Variants in SMG8 observed in about 807,000 individuals in gnomAD.
SMG8 encodes the protein nonsense-mediated mRNA decay factor SMG8.
In SMG8, 49 loss-of-function variants were observed where a neutral mutation model predicts 82.1. The ratio of observed to expected loss-of-function variants is 0.60; its 90% CI spans 0.47 to 0.76. The LOEUF is 0.76. Among genes scored for constraint, SMG8 ranks in the 30% least tolerant of loss-of-function variants. SMG8 has a pLI of 0.00. For missense variants in SMG8, 969 were observed against 1,166.4 expected (o/e 0.83, Z 2.46); for synonymous variants, 404 against 430.0 (o/e 0.94, Z 0.75).
At position 59,213,089 on chromosome 17, in the gene SMG8, C is replaced by T. The variant is rs770627741; in HGVS notation, c.2266C>T (p.Pro756Ser). 1.3e-5 allele frequency: 21 copies of T among 1,614,044 alleles called. No homozygotes were observed. The Admixed American group carries it at 3.2e-4, about 24-fold the overall frequency. Residue 756 changes from proline (P) to serine (S), a missense_variant, in exon 3 of 4, where the codon CCT becomes TCT. By Grantham distance (74) the Pro-to-Ser change is moderately conservative. Coordinates refer to ENST00000300917, the MANE Select transcript of SMG8 (RefSeq NM_018149.7). ...CCCAGGCATGCTACATTCAAATTGCCCTAAAGGTCTCCTACCCAAATTCTC... is the reference window on the plus strand; with the variant it reads ...CCCAGGCATGCTACATTCAAATTGCTCTAAAGGTCTCCTACCCAAATTCTC... ...YLPGMLHSNC[P>S]KGLLPKFSSW...
Position 59,212,457 on chromosome 17 carries a change from A to T in SMG8, c.1876A>T (p.Ile626Phe). 6.2e-7 allele frequency: 1 copy of T among 1,608,264 alleles called. No individual in the cohort carries two copies. Among genetic ancestry groups the T allele is most frequent in the African/African-American group, 1.3e-5 (1 of 74,982 alleles). Reference sequence around the variant, plus strand: ...AGCACCTCGAGATGATCCCTTTGATATCAAAGCAGCCAATTATGACTTCTA... The same window carrying T: ...AGCACCTCGAGATGATCCCTTTGATTTCAAAGCAGCCAATTATGACTTCTA... ...KQAPRDDPFD[I>F]KAANYDFYQL... The change falls in exon 2 of 4, where the codon ATC (isoleucine) becomes TTC (phenylalanine). Residue 626 changes from isoleucine (I) to phenylalanine (F), a missense_variant. By Grantham distance (21) the Ile-to-Phe change is conservative. This residue lies in a region of SMG8 where 662 missense variants were observed against 884.8 expected (regional missense o/e 0.75). Coordinates refer to ENST00000300917, the MANE Select transcript of SMG8 (RefSeq NM_018149.7).
intron 1 of SMG8, 56 bp from the exon 2 acceptor site, chr17:59,212,285 A>G (rs2046948995): frequency 1.4e-6 from 2 of 1,470,464 alleles, no homozygotes; most frequent in Non-Finnish European, 1.8e-6. Context: ...TGTAGAATGC[A>G]AAGTAAATTC....
chr17:59,214,292 C>CA (rs1162297156), intron 3 of SMG8, among the ~76,000 whole-genome samples: 17 of 144,056 alleles, frequency 1.2e-4, no homozygotes, highest in South Asian at 2.2e-4. Context: ...ATTCCCCCTG[C>CA]AAAAAAAAAA....
intron 2 of SMG8, 30 bp downstream of exon 2, chr17:59,212,516 T>C (rs1265574927): frequency 6.3e-7 from 1 of 1,582,268 alleles, no homozygotes; most frequent in Non-Finnish European, 8.6e-7. Flanking sequence ...TTCTTCCTCT[T>C]CTGTCTTTTT....
At position 59,211,702 on chromosome 17, in the gene SMG8, T is replaced by C. The variant is rs1597951421; in HGVS notation, c.1651T>C (p.Leu551=). The change falls in exon 1 of 4, where the codon TTA becomes CTA. Residue 551 remains leucine (L), a synonymous_variant. Transcript: ENST00000300917. ...AGCATTTCACAAATACGCCATGCAG[T>C]TACATGAGGACTGCTACAAATTTTG... ...GPAFHKYAMQ[L]HEDCYKFWSN... is the part of the protein sequence containing the mutation. The C allele has an allele frequency of 1.2e-6, 2 of 1,614,064 alleles. No homozygotes were observed. Among genetic ancestry groups the C allele is most frequent in the East Asian group, 4.5e-5 (2 of 44,884 alleles).
Position 59,210,348 on chromosome 17 carries a change from GGGTGAGGCC to G in SMG8, c.302_310del (p.Glu101_Gly103del), listed in dbSNP as rs1412240848. 1 of 1,611,916 alleles carries G rather than the reference GGGTGAGGCC, an allele frequency of 6.2e-7. No homozygotes were observed. Among genetic ancestry groups the G allele is most frequent in the Non-Finnish European group, 8.5e-7 (1 of 1,179,304 alleles). ...GAATCAGAACTGAGGCTGGCGCCGTGGGTGAGGCCGGTGGAGCCGAGGACCCTGGGGCTG... is the reference window on the plus strand; with the variant it reads ...GAATCAGAACTGAGGCTGGCGCCGTGGGTGGAGCCGAGGACCCTGGGGCTG... On this transcript the variant is annotated inframe_deletion, in exon 1 of 4. Transcript: ENST00000300917.
At position 59,211,143 on chromosome 17, in the gene SMG8, G is replaced by A. The variant is rs772378565; in HGVS notation, c.1092G>A (p.Pro364=). 9 of 1,614,134 alleles carry A rather than the reference G, an allele frequency of 5.6e-6. No individual in the cohort carries two copies. Among genetic ancestry groups the A allele is most frequent in the Admixed American group, 1.7e-5 (1 of 60,014 alleles). The change falls in exon 1 of 4, where the codon CCG becomes CCA. Residue 364 remains proline, a synonymous_variant. Coordinates refer to ENST00000300917, the MANE Select transcript of SMG8 (RefSeq NM_018149.7). ...QLRSHCTVKD[P]ESLLVPAPLS... is the part of the protein sequence containing the mutation. ...GGAGTCATTGTACTGTGAAGGACCC[G>A]GAATCTTTGCTGGTGCCTGCACCCC...
intron 1 of SMG8, 77 bp downstream of exon 1, chr17:59,211,887 C>G: frequency 7.8e-7 from 1 of 1,282,168 alleles, no homozygotes; most frequent in Non-Finnish European, 1.0e-6. Flanking sequence ...ATAGTCTGTT[C>G]ACTATGTATT....
intron 3 of SMG8, among the ~76,000 whole-genome samples, chr17:59,214,108 C>G (rs2046956941): frequency 6.6e-6 from 1 of 152,030 alleles, no homozygotes; most frequent in Non-Finnish European, 1.5e-5. Flanking sequence ...CATGGCGAAA[C>G]CCCGTCTCTA....
intron 3 of SMG8, 70 bp from the exon 4 acceptor site, chr17:59,214,735 T>G (rs1343249529): frequency 2.4e-6 from 2 of 829,588 alleles, no homozygotes; most frequent in Non-Finnish European, 4.2e-6. Flanking sequence ...TATCGTCTGT[T>G]TAGGCATTTA....
chr17:59,213,091 T>C lies in SMG8; in HGVS notation c.2268T>C (p.Pro756=). 1 of 1,614,210 alleles carries C rather than the reference T, an allele frequency of 6.2e-7. No individual in the cohort carries two copies. The highest frequency in any genetic ancestry group is 8.5e-7 in the Non-Finnish European group (1 of 1,180,040). ...CAGGCATGCTACATTCAAATTGCCC[T>C]AAAGGTCTCCTACCCAAATTCTCCA... The part of the protein sequence containing the change: ...YLPGMLHSNC[P]KGLLPKFSSW... The change falls in exon 3 of 4, where the codon CCT becomes CCC. Residue 756 remains proline (P), a synonymous_variant. Coordinates refer to ENST00000300917, the MANE Select transcript of SMG8 (RefSeq NM_018149.7).
rs750547396 is a variant in SMG8, at chr17:59,212,403, A to C, written c.1822A>C (p.Thr608Pro). 6.2e-7 allele frequency: 1 copy of C among 1,609,648 alleles called. No individual in the cohort carries two copies. The highest frequency in any genetic ancestry group is 8.5e-7 in the Non-Finnish European group (1 of 1,176,520). ...ATATCACAATAGCCGAGCTCGATCT[A>C]CTGGTGCTTGCAACTGTGGAAGGAA... ...VLYHNSRARS[T>P]GACNCGRKQA... Residue 608 changes from threonine to proline, a missense_variant, in exon 2 of 4, where the codon ACT becomes CCT. By Grantham distance (38) the Thr-to-Pro change is conservative (BLOSUM62 -1). This residue lies in a region of SMG8 where 662 missense variants were observed against 884.8 expected (regional missense o/e 0.75). Coordinates refer to ENST00000300917, the MANE Select transcript of SMG8 (RefSeq NM_018149.7).
At chr17:59,214,373 G>A (rs2046958400) in intron 3 of SMG8, among the ~76,000 whole-genome samples, 1 of 152,036 alleles carries the variant, frequency 6.6e-6, no homozygotes, top group Admixed American at 6.6e-5. Context: ...AGTTAGGAGT[G>A]TACCCATATC....
chr17:59,212,208 A>T, intron 1 of SMG8, 133 bp from the exon 2 acceptor site: 1 of 652,920 alleles, frequency 1.5e-6, no homozygotes, highest in South Asian at 3.8e-5. Flanking sequence ...AAAGTATTTT[A>T]TATACTTTCA....
chr17:59,212,854 TAAACTTAAAG>T lies in SMG8; in HGVS notation c.2035_2044del (p.Leu679LysfsTer12), dbSNP rs748011320. ...CTGCTCCTCCAGATTCGGATGCTGATAAACTTAAAGAAAAAGAACCTCAAACCCAAGGAGA... is the reference window on the plus strand; with the variant it reads ...CTGCTCCTCCAGATTCGGATGCTGATAAAAAGAACCTCAAACCCAAGGAGA... On this transcript the variant is annotated frameshift_variant, in exon 3 of 4. Transcript: ENST00000300917. LOFTEE classifies it high-confidence loss of function. 6.2e-7 allele frequency: 1 copy of T among 1,614,092 alleles called. No homozygotes were observed. The highest frequency in any genetic ancestry group is 8.5e-7 in the Non-Finnish European group (1 of 1,180,012).
At chr17:59,213,649 T>A in intron 3 of SMG8, 48 bp downstream of exon 3, 1 of 1,531,762 alleles carries the variant, frequency 6.5e-7, no homozygotes, top group South Asian at 1.3e-5. Flanking sequence ...AAAATGCTGA[T>A]GTTTGTTTTG....
intron 1 of SMG8, 71 bp from the exon 2 acceptor site, chr17:59,212,270 G>C (rs2046948939): frequency 1.5e-6 from 2 of 1,339,578 alleles, no homozygotes; most frequent in African/African-American, 1.4e-5. Context: ...TGTGGGGTTA[G>C]ATGTTGTAGA....
Position 59,213,053 on chromosome 17 carries a change from G to A in SMG8, c.2230G>A (p.Val744Ile). The part of the protein sequence containing the change: ...PNFVDRQAST[V>I]EYLPGMLHSN... ...CTTCGTTGATCGACAGGCATCCACA[G>A]TTGAGTATCTCCCAGGCATGCTACA... The change falls in exon 3 of 4, where the codon GTT becomes ATT. Residue 744 changes from valine to isoleucine, a missense_variant. Coordinates refer to ENST00000300917, the MANE Select transcript of SMG8 (RefSeq NM_018149.7). 6.2e-7 allele frequency: 1 copy of A among 1,614,196 alleles called. No individual in the cohort carries two copies. Among genetic ancestry groups the A allele is most frequent in the Non-Finnish European group, 8.5e-7 (1 of 1,180,042 alleles).
rs1472978578 is a variant in SMG8 at position 59,214,987 on chromosome 17, G to C, written c.2961G>C (p.Lys987Asn). Residue 987 changes from lysine to asparagine, a missense_variant, in exon 4 of 4, where the codon AAG (lysine) becomes AAC (asparagine). Physicochemically the swap from Lys to Asn is moderately conservative, Grantham distance 94. Transcript: ENST00000300917. ...MSYKVLRGVL[K>N]AVTQ ...ACAAGGTGCTCCGTGGGGTTCTTAAGGCAGTAACACAATAAGTGTTTTCCA... is the reference window on the plus strand; with the variant it reads ...ACAAGGTGCTCCGTGGGGTTCTTAACGCAGTAACACAATAAGTGTTTTCCA... 1.1e-6 allele frequency: 1 copy of C among 872,854 alleles called. No homozygotes were observed. Among genetic ancestry groups the C allele is most frequent in the Non-Finnish European group, 2.0e-6 (1 of 501,652 alleles). 54.1% of individuals were successfully genotyped at this position (872,854 alleles called of 1,614,324 possible). A position where few individuals can be genotyped will look rare whatever the true frequency, so the allele number is the denominator to read the frequency against.
Sources: gnomAD v4.1 joint callset for allele counts (sites outside exome capture counted in the v4.1 genomes callset) on GRCh38, gnomAD v4.1.1 for gene constraint, gnomAD v4.1.1 regional missense constraint, MANE v1.5 for transcripts, NCBI Gene and HGNC (gene_info 2026-07-23, HGNC 2026-07-21) for gene names.